DLGAP4: variants seen among roughly 807,000 people sequenced by gnomAD.
The protein encoded by DLGAP4 is disks large-associated protein 4.
In DLGAP4, 18 loss-of-function variants were observed where a neutral mutation model predicts 86.9. The ratio of observed to expected loss-of-function variants is 0.21; its 90% CI spans 0.14 to 0.31. The LOEUF (loss-of-function observed/expected upper bound fraction) is 0.31. Among genes scored for constraint, DLGAP4 ranks in the 10% least tolerant of loss-of-function variants. DLGAP4 has a pLI of 1.00. For synonymous variants in DLGAP4, 548 were observed against 574.3 expected (o/e 0.95, Z 0.65); for missense variants, 1,085 against 1,362.6 (o/e 0.80, Z 3.21).
At chr20:36,342,795 AGTGTCC>A (rs2065397181) in intron 1 of DLGAP4, among the ~76,000 whole-genome samples, 2 of 152,182 alleles carry the variant, frequency 1.3e-5, no homozygotes, top group Admixed American at 1.3e-4. Flanking sequence ...AGCCAGAACT[AGTGTCC>A]AGTACTGGGA....
chr20:36,439,526 G>T (rs1308318871), intron 4 of DLGAP4, among the ~76,000 whole-genome samples: 1 of 152,208 alleles, frequency 6.6e-6, no homozygotes, highest in African/African-American at 2.4e-5. Context: ...ACCTCTGTCG[G>T]GCCTCTGGAA....
intron 7 of DLGAP4, among the ~76,000 whole-genome samples, chr20:36,481,839 G>A (rs2035199837): frequency 1.3e-5 from 2 of 152,202 alleles, no homozygotes; most frequent in South Asian, 4.2e-4. Context: ...CGCCCTCTCT[G>A]GTCCTGTGAC....
chr20:36,412,985 T>C (rs969544611), intron 2 of DLGAP4, among the ~76,000 whole-genome samples: 1 of 150,948 alleles, frequency 6.6e-6, no homozygotes, highest in Non-Finnish European at 1.5e-5. Context: ...TTTTCTTTTT[T>C]TTTTTTTTTT....
intron 1 of DLGAP4, among the ~76,000 whole-genome samples, chr20:36,345,417 T>C (rs541123824): frequency 6.6e-6 from 1 of 152,360 alleles, no homozygotes; most frequent in East Asian, 1.9e-4. Flanking sequence ...CTGTGGCAGA[T>C]AGAGCGTTGG....
At chr20:36,453,749 A>G (rs970260177) in intron 7 of DLGAP4, among the ~76,000 whole-genome samples, 1 of 151,776 alleles carries the variant, frequency 6.6e-6, no homozygotes, top group Non-Finnish European at 1.5e-5. Flanking sequence ...CCTGGCCAAC[A>G]TGGTGAAACC....
intron 10 of DLGAP4, among the ~76,000 whole-genome samples, chr20:36,510,038 T>A (rs1162258502): frequency 6.6e-6 from 1 of 151,434 alleles, no homozygotes; most frequent in Non-Finnish European, 1.5e-5. Context: ...GTATTTTTAG[T>A]GTTGGTCAGG....
intron 1 of DLGAP4, among the ~76,000 whole-genome samples, chr20:36,330,001 G>C (rs1600403081): frequency 1.3e-5 from 2 of 148,848 alleles, no homozygotes; most frequent in Admixed American, 1.4e-4. Context: ...TCCAGCCTGG[G>C]TGACAGAGCA....
At chr20:36,362,163 G>A (rs1016466404) in intron 1 of DLGAP4, among the ~76,000 whole-genome samples, 2 of 151,864 alleles carry the variant, frequency 1.3e-5, no homozygotes, top group Non-Finnish European at 2.9e-5. Context: ...GGGAGGCTGA[G>A]GCACAAGAAT....
chr20:36,450,316 G>GC (rs1048493379), intron 7 of DLGAP4, among the ~76,000 whole-genome samples: 2 of 152,150 alleles, frequency 1.3e-5, no homozygotes, highest in Non-Finnish European at 2.9e-5. Flanking sequence ...TGGCCAACAT[G>GC]GCGAAACCCT....
At chr20:36,519,042 G>A (rs964328608) in intron 10 of DLGAP4, among the ~76,000 whole-genome samples, 7 of 151,726 alleles carry the variant, frequency 4.6e-5, no homozygotes, top group Admixed American at 1.3e-4. Context: ...GCTTGAACCC[G>A]GGAGGCAGAG....
intron 2 of DLGAP4, among the ~76,000 whole-genome samples, chr20:36,419,362 C>T (rs1473380076): frequency 6.6e-6 from 1 of 151,988 alleles, no homozygotes; most frequent in Non-Finnish European, 1.5e-5. Flanking sequence ...AACTCCTGGC[C>T]TCAAGTGATC....
At chr20:36,399,256 T>C (rs1320832689) in intron 2 of DLGAP4, among the ~76,000 whole-genome samples, 1 of 152,118 alleles carries the variant, frequency 6.6e-6, no homozygotes, top group Non-Finnish European at 1.5e-5. Context: ...AAGCACAGGC[T>C]GGACAAGATG....
intron 2 of DLGAP4, among the ~76,000 whole-genome samples, chr20:36,422,607 A>G (rs537694880): frequency 2.2e-4 from 33 of 152,294 alleles, no homozygotes; most frequent in African/African-American, 7.9e-4. Flanking sequence ...TGTGTCAGGA[A>G]GAGCCATGCT....
At chr20:36,394,889 G>A (rs1414162283) in intron 2 of DLGAP4, among the ~76,000 whole-genome samples, 3 of 152,094 alleles carry the variant, frequency 2.0e-5, no homozygotes, top group Non-Finnish European at 2.9e-5. Context: ...CTGCCTGGGC[G>A]GGCACCTGAC....
intron 10 of DLGAP4, among the ~76,000 whole-genome samples, chr20:36,524,007 TAC>T (rs1783671069): frequency 6.6e-6 from 1 of 152,082 alleles, no homozygotes; most frequent in African/African-American, 2.4e-5. Context: ...GTTTTACATT[TAC>T]ACTCAGTTTT....
chr20:36,492,411 G>C (rs1367411529), intron 7 of DLGAP4: 1 of 152,456 alleles, frequency 6.6e-6, no homozygotes. Context: ...ATCAGGCCTG[G>C]ACTTGCTTTC....
intron 2 of DLGAP4, among the ~76,000 whole-genome samples, chr20:36,414,319 A>G (rs1193972877): frequency 6.6e-6 from 1 of 152,048 alleles, no homozygotes; most frequent in Non-Finnish European, 1.5e-5. Context: ...CCAGCCCTAT[A>G]GTTGTCCCAG....
intron 7 of DLGAP4, among the ~76,000 whole-genome samples, chr20:36,496,091 C>T (rs1268355238): frequency 2.0e-5 from 3 of 152,050 alleles, no homozygotes; most frequent in Non-Finnish European, 4.4e-5. Context: ...AGGCTGGTCT[C>T]GAACTCCTGA....
chr20:36,364,135 G>A (rs1246404680), intron 1 of DLGAP4, among the ~76,000 whole-genome samples: 8 of 152,298 alleles, frequency 5.3e-5, no homozygotes, highest in Admixed American at 4.6e-4. Context: ...TAGAAGCTGA[G>A]CATGGTGGTA....
Sources: allele counts gnomAD v4.1 joint callset (sites outside exome capture counted in the v4.1 genomes callset), GRCh38; gene constraint gnomAD v4.1.1; transcripts MANE v1.5; gene names NCBI Gene and HGNC (gene_info 2026-07-23, HGNC 2026-07-21).